The following CDC40 variants were observed in gnomAD, a reference collection of about 807,000 sequenced individuals.
CDC40 encodes the protein pre-mRNA-processing factor 17.
In CDC40, 27 loss-of-function variants were observed where a neutral mutation model predicts 80.6. That is an observed-to-expected ratio of 0.33 (90% CI 0.25 to 0.46). CDC40 has a LOEUF of 0.46. Among genes scored for constraint, CDC40 ranks in the 20% least tolerant of loss-of-function variants. The pLI, the probability that CDC40 is intolerant of heterozygous loss-of-function variation, is 1.00. For missense variants in CDC40, 486 were observed against 694.1 expected (o/e 0.70, Z 3.37); for synonymous variants, 221 against 232.6 (o/e 0.95, Z 0.45).
At chr6:110,193,347 T>C in intron 2 of CDC40, 79 bp downstream of exon 2, 2 of 803,436 alleles carry the variant, frequency 2.5e-6, no homozygotes, top group Non-Finnish European at 4.3e-6. Context: ...GCAGTGAATT[T>C]TTAAAAGTTT....
At chr6:110,227,864 G>T (rs1351726910) in intron 13 of CDC40, among the ~76,000 whole-genome samples, 1 of 152,122 alleles carries the variant, frequency 6.6e-6, no homozygotes, top group Non-Finnish European at 1.5e-5. Context: ...TTTGGTATTG[G>T]GTAGGGGTGC....
chr6:110,216,723 C>T (rs1278255402), intron 9 of CDC40, among the ~76,000 whole-genome samples: 1 of 152,062 alleles, frequency 6.6e-6, no homozygotes. Context: ...CACAATTGTA[C>T]GTGTCTTGGT....
At chr6:110,183,110 C>G (rs530676495) in intron 1 of CDC40, among the ~76,000 whole-genome samples, 17 of 152,326 alleles carry the variant, frequency 1.1e-4, no homozygotes, top group African/African-American at 4.1e-4. Context: ...TTCCCCCACT[C>G]CAAACACTGT....
chr6:110,212,319 A>C, intron 7 of CDC40, 47 bp downstream of exon 7: 1 of 1,593,108 alleles, frequency 6.3e-7, no homozygotes, highest in Non-Finnish European at 8.6e-7. Flanking sequence ...ATAATAATGA[A>C]GCCAACGTAA....
intron 5 of CDC40, 155 bp downstream of exon 5, chr6:110,209,378 T>C (rs1777604404): frequency 1.9e-6 from 1 of 537,400 alleles, no homozygotes; most frequent in Non-Finnish European, 3.3e-6. Context: ...TAAAATTTAT[T>C]TGTTTTTCTT....
chr6:110,228,067 A>G (rs1466467777), intron 13 of CDC40, among the ~76,000 whole-genome samples: 1 of 152,208 alleles, frequency 6.6e-6, no homozygotes, highest in African/African-American at 2.4e-5. Flanking sequence ...GCTGTATGGT[A>G]TAGCCTGTTG....
chr6:110,220,538 G>A (rs974818744), intron 12 of CDC40, among the ~76,000 whole-genome samples: 17 of 149,376 alleles, frequency 1.1e-4, no homozygotes, highest in South Asian at 4.3e-4. Flanking sequence ...TCCGCCTCCC[G>A]GGTTCACGCC....
At chr6:110,220,692 A>T (rs9384735) in intron 12 of CDC40, among the ~76,000 whole-genome samples, 1 of 151,980 alleles carries the variant, frequency 6.6e-6, no homozygotes, top group Admixed American at 6.5e-5. Context: ...TGATCCGCCC[A>T]CCTTGGCCTC....
At chr6:110,191,127 G>T (rs1035256616) in intron 1 of CDC40, among the ~76,000 whole-genome samples, 7 of 152,208 alleles carry the variant, frequency 4.6e-5, no homozygotes, top group Non-Finnish European at 8.8e-5. Flanking sequence ...TGATACAGGG[G>T]CCATGGTAAA....
intron 2 of CDC40, among the ~76,000 whole-genome samples, chr6:110,200,284 A>G (rs1777478487): frequency 6.6e-6 from 1 of 152,248 alleles, no homozygotes; most frequent in Admixed American, 6.5e-5. Context: ...TTTCATACAT[A>G]GTATAATGTT....
At chr6:110,222,491 A>G (rs748414564) in intron 12 of CDC40, among the ~76,000 whole-genome samples, 4 of 152,076 alleles carry the variant, frequency 2.6e-5, no homozygotes, top group Admixed American at 6.5e-5. Context: ...CGGGAGGTGG[A>G]GGTTGCAGTG....
At chr6:110,183,773 A>G (rs1426572133) in intron 1 of CDC40, among the ~76,000 whole-genome samples, 2 of 152,112 alleles carry the variant, frequency 1.3e-5, no homozygotes, top group Non-Finnish European at 2.9e-5. Context: ...AGCGTTTTTA[A>G]TCTATGTTTT....
chr6:110,220,662 G>T (rs543349949), intron 12 of CDC40, among the ~76,000 whole-genome samples: 21 of 152,162 alleles, frequency 1.4e-4, no homozygotes, highest in Non-Finnish European at 2.6e-4. Context: ...AGCCAGGATG[G>T]TCTCGATTTC....
intron 5 of CDC40, 39 bp from the exon 6 acceptor site, chr6:110,210,668 A>T: frequency 8.2e-7 from 1 of 1,218,914 alleles, no homozygotes; most frequent in Non-Finnish European, 1.1e-6. Flanking sequence ...ATGAGGTTCT[A>T]GAACATTCAT....
At chr6:110,185,810 T>A (rs934287984) in intron 1 of CDC40, among the ~76,000 whole-genome samples, 9 of 152,218 alleles carry the variant, frequency 5.9e-5, no homozygotes, top group African/African-American at 1.7e-4. Context: ...GCAATTTTTT[T>A]AAAAGTATAG....
In CDC40 at chr6:110,193,173, T is replaced by G; in HGVS notation, c.190-9T>G. The G allele has an allele frequency of 6.5e-7, 1 of 1,545,694 alleles. No homozygotes were observed. Among genetic ancestry groups the G allele is most frequent in the Non-Finnish European group, 8.9e-7 (1 of 1,118,340 alleles). On this transcript the variant is annotated splice_polypyrimidine_tract_variant and intron_variant, in intron 1 of 14. Transcript: ENST00000307731. ...CAGATCATTAATATTTATTTGGTAT[T>G]CTTTTTAGGAAGATTTGGAGACTGG... is the stretch of plus-strand genomic sequence containing the variant.
chr6:110,180,452 C>G lies in CDC40; in HGVS notation c.8C>G (p.Ala3Gly). Residue 3 changes from alanine to glycine, a missense_variant, in exon 1 of 15, where the codon GCT becomes GGT. Ala to Gly is a moderately conservative substitution (Grantham distance 60, BLOSUM62 0). Transcript: ENST00000307731. MS[A>G]AIAALAASYG... ...AGAAGATTTGTTGCCGTCATGTCGGCTGCGATTGCAGCTCTGGCCGCTTCC... is the reference window on the plus strand; with the variant it reads ...AGAAGATTTGTTGCCGTCATGTCGGGTGCGATTGCAGCTCTGGCCGCTTCC... The G allele has an allele frequency of 6.2e-7, 1 of 1,614,134 alleles. No homozygotes were observed. Among genetic ancestry groups the G allele is most frequent in the Non-Finnish European group, 8.5e-7 (1 of 1,180,010 alleles).
rs190228144 is a variant in CDC40, at chr6:110,220,546, G to A, written c.1340+677G>A. ...TGCAAGCTCCGCCTCCCGGGTTCACGCCATTGTCCTGCCTCAGCCTCCCAA... is the reference window on the plus strand; with the variant it reads ...TGCAAGCTCCGCCTCCCGGGTTCACACCATTGTCCTGCCTCAGCCTCCCAA... On this transcript the variant is annotated intron_variant, in intron 12 of 14. Coordinates refer to ENST00000307731, the MANE Select transcript of CDC40 (RefSeq NM_015891.3). 9.2e-3 allele frequency among the ~76,000 whole-genome samples: 1,320 copies of A among 144,006 alleles called. 12 individuals carry two copies. The highest frequency in any genetic ancestry group is 0.018 in the African/African-American group (700 of 39,020). 94.5% of individuals were successfully genotyped at this position (144,006 alleles called of 152,430 possible). A position where few individuals can be genotyped will look rare whatever the true frequency, so the allele number is the denominator to read the frequency against.
chr6:110,219,637 T>C lies in CDC40; in HGVS notation c.1207-99T>C, dbSNP rs1477040608. The C allele has an allele frequency of 7.3e-6, 10 of 1,376,652 alleles. No homozygotes were observed. The African/African-American group carries it at 1.0e-4, about 14-fold the overall frequency. The allele number at this position is 1,376,652 out of a possible 1,614,324, so 85.3% of individuals were successfully genotyped here. On this transcript the variant is annotated intron_variant, in intron 11 of 14. Coordinates refer to ENST00000307731, the MANE Select transcript of CDC40 (RefSeq NM_015891.3). Reference sequence around the variant, plus strand: ...AGAAAAATTTACATTTATAAAAATATCGTGTTGAAGATCTTCTCCTTCTCC... The same window carrying C: ...AGAAAAATTTACATTTATAAAAATACCGTGTTGAAGATCTTCTCCTTCTCC...
Sources: gnomAD v4.1 joint callset for allele counts (sites outside exome capture counted in the v4.1 genomes callset) on GRCh38, gnomAD v4.1.1 for gene constraint, MANE v1.5 for transcripts, NCBI Gene and HGNC (gene_info 2026-07-23, HGNC 2026-07-21) for gene names.